The following COL11A1 variants were observed in gnomAD, a reference collection of about 807,000 sequenced individuals.
The protein encoded by COL11A1 is collagen type XI alpha 1 chain, also known as collagen alpha-1(XI) chain.
In COL11A1, 74 loss-of-function variants were observed where a neutral mutation model predicts 265.2. The ratio of observed to expected loss-of-function variants is 0.28; its 90% CI spans 0.23 to 0.34. COL11A1 has a LOEUF of 0.34. Among genes scored for constraint, COL11A1 ranks in the 10% least tolerant of loss-of-function variants. COL11A1 has a pLI of 1.00. For synonymous variants in COL11A1, 816 were observed against 727.6 expected (o/e 1.12, Z -1.96); for missense variants, 2,165 against 2,263.6 (o/e 0.96, Z 0.88).
At chr1:102,878,503 T>TATATATATATATATATATATA (rs1553191037) in intron 66 of COL11A1, among the ~76,000 whole-genome samples, 110 of 127,304 alleles carry the variant, frequency 8.6e-4, no homozygotes, top group Non-Finnish European at 1.2e-3. Context: ...TATATATATA[T>TATATATATATATATATATATA]TCTTTTTCTT....
chr1:102,912,715 G>A (rs1399781447), intron 53 of COL11A1, among the ~76,000 whole-genome samples: 1 of 152,106 alleles, frequency 6.6e-6, no homozygotes, highest in Non-Finnish European at 1.5e-5. Context: ...TGTATCCTGA[G>A]AGGGACCCAG....
intron 54 of COL11A1, among the ~76,000 whole-genome samples, chr1:102,910,039 G>C (rs1191559523): frequency 1.3e-5 from 2 of 151,762 alleles, no homozygotes; most frequent in Admixed American, 1.3e-4. Context: ...TCACACAACA[G>C]TTTAATAGTT....
At chr1:102,897,859 T>G (rs1652635317) in intron 57 of COL11A1, among the ~76,000 whole-genome samples, 1 of 152,146 alleles carries the variant, frequency 6.6e-6, no homozygotes, top group African/African-American at 2.4e-5. Flanking sequence ...AAACACTGGC[T>G]GGATCATTAG....
At chr1:102,974,647 A>G (rs1456896939) in intron 36 of COL11A1, among the ~76,000 whole-genome samples, 183 bp downstream of exon 36, 1 of 152,194 alleles carries the variant, frequency 6.6e-6, no homozygotes, top group Non-Finnish European at 1.5e-5. Context: ...AGATGTTGAA[A>G]TTATATTCAG....
intron 1 of COL11A1, among the ~76,000 whole-genome samples, chr1:103,083,306 A>C (rs192830502): frequency 8.6e-5 from 13 of 150,816 alleles, no homozygotes; most frequent in Admixed American, 2.0e-4. Context: ...CTGGAATTTA[A>C]AGTTTCCTAT....
At chr1:102,913,542 G>C (rs983276397) in intron 53 of COL11A1, 95 bp downstream of exon 53, 140 of 1,192,762 alleles carry the variant, frequency 1.2e-4, no homozygotes, top group Middle Eastern at 5.7e-4. Context: ...TATACATAGA[G>C]CTATGTTTTT....
At chr1:103,093,150 T>A (rs1054094314) in intron 1 of COL11A1, among the ~76,000 whole-genome samples, 1 of 152,128 alleles carries the variant, frequency 6.6e-6, no homozygotes, top group African/African-American at 2.4e-5. Context: ...AAAGCCATTA[T>A]ATAGCTATGA....
intron 5 of COL11A1, 128 bp downstream of exon 5, chr1:103,030,988 T>G: frequency 8.4e-7 from 1 of 1,190,688 alleles, no homozygotes; most frequent in Non-Finnish European, 1.2e-6. Context: ...CCTGGAAATA[T>G]TACAACACAA....
rs536797175 is a variant in COL11A1, at chr1:103,020,905, T to A, written c.1308+802A>T. ...GTCAAAGGTCAGATAGTTGTAGATA[T>A]GCAGCGTTATTTCTGAGGGCTCTGT... On this transcript the variant is annotated intron_variant, in intron 9 of 66. Coordinates refer to ENST00000370096, the MANE Select transcript of COL11A1 (RefSeq NM_001854.4). Among the ~76,000 whole-genome samples the A allele has an allele frequency of 1.7e-3, 237 of 139,106 alleles. 2 individuals carry two copies. Among genetic ancestry groups the A allele is most frequent in the African/African-American group, 5.9e-3 (228 of 38,736 alleles). 91.3% of individuals were successfully genotyped at this position (139,106 alleles called of 152,430 possible).
intron 54 of COL11A1, among the ~76,000 whole-genome samples, chr1:102,904,887 A>C (rs1386939546): frequency 6.6e-6 from 1 of 152,174 alleles, no homozygotes; most frequent in Non-Finnish European, 1.5e-5. Flanking sequence ...ATATACCCAA[A>C]GGATTATAAA....
rs200243924 is a variant in COL11A1 at position 103,049,982 on chromosome 1, T to C, written c.652-18738A>G. Reference sequence around the variant, plus strand: ...GCCGAGAGATCAGCTGTTAATCTGATGGGCTTCCCTTTGTGGGTAACCCGA... The same window carrying C: ...GCCGAGAGATCAGCTGTTAATCTGACGGGCTTCCCTTTGTGGGTAACCCGA... On this transcript the variant is annotated intron_variant, in intron 4 of 66. Transcript: ENST00000370096. Among the ~76,000 whole-genome samples the C allele has an allele frequency of 6.2e-4, 95 of 152,362 alleles. 1 individual carries two copies. The East Asian group carries it at 0.016, about 25-fold the overall frequency.
At chr1:102,956,557 T>A (rs981729074) in intron 41 of COL11A1, among the ~76,000 whole-genome samples, 1 of 152,072 alleles carries the variant, frequency 6.6e-6, no homozygotes, top group African/African-American at 2.4e-5. Flanking sequence ...AATAACTTTT[T>A]ATTGAAGTAA....
At chr1:103,102,828 T>C (rs1674390871) in intron 1 of COL11A1, among the ~76,000 whole-genome samples, 1 of 152,024 alleles carries the variant, frequency 6.6e-6, no homozygotes, top group South Asian at 2.1e-4. Flanking sequence ...GGCCATGTAT[T>C]GCTTTTCCCT....
intron 4 of COL11A1, among the ~76,000 whole-genome samples, chr1:103,071,867 TTGTATATATA>T (rs1230906061): frequency 3.5e-5 from 1 of 28,448 alleles, no homozygotes; most frequent in African/African-American, 1.1e-4. Flanking sequence ...ACATATGTGT[TTGTATATATA>T]TATATATATA....
chr1:102,936,124 A>C (rs1658115587), intron 44 of COL11A1, among the ~76,000 whole-genome samples: 1 of 152,110 alleles, frequency 6.6e-6, no homozygotes, highest in African/African-American at 2.4e-5. Flanking sequence ...AGGCTTTGAA[A>C]GTTATTAATA....
At chr1:103,049,888 G>T (rs1669650935) in intron 4 of COL11A1, among the ~76,000 whole-genome samples, 1 of 152,116 alleles carries the variant, frequency 6.6e-6, no homozygotes, top group South Asian at 2.1e-4. Flanking sequence ...TGAAATCCTG[G>T]GCTGAAAATT....
intron 4 of COL11A1, among the ~76,000 whole-genome samples, chr1:103,066,911 G>A (rs1671200539): frequency 6.6e-6 from 1 of 151,826 alleles, no homozygotes; most frequent in Non-Finnish European, 1.5e-5. Flanking sequence ...ACATAAAGTA[G>A]ACGTCAAGGC....
chr1:102,974,983 T>C, intron 35 of COL11A1, 100 bp from the exon 36 acceptor site: 1 of 850,642 alleles, frequency 1.2e-6, no homozygotes, highest in South Asian at 1.4e-5. Flanking sequence ...CAATGTATCA[T>C]ACAGCTTCTT....
intron 2 of COL11A1, among the ~76,000 whole-genome samples, chr1:103,082,414 G>A (rs1318295948): frequency 2.0e-5 from 3 of 151,964 alleles, no homozygotes; most frequent in Middle Eastern, 3.2e-3. Flanking sequence ...TCATTAAGGG[G>A]AAAGATTCCC....
Sources: gnomAD v4.1 joint callset for allele counts (sites outside exome capture counted in the v4.1 genomes callset) on GRCh38, gnomAD v4.1.1 for gene constraint, MANE v1.5 for transcripts, NCBI Gene and HGNC (gene_info 2026-07-23, HGNC 2026-07-21) for gene names.